RBM44: variants seen among roughly 807,000 people sequenced by gnomAD.
RBM44 encodes the protein RNA binding motif protein 44, also known as RNA-binding protein 44.
In RBM44, 66 loss-of-function variants were observed where a neutral mutation model predicts 105.1. The observed-to-expected ratio is 0.63, with a 90% CI of 0.52 to 0.77. The LOEUF (loss-of-function observed/expected upper bound fraction) is 0.77, where lower values mean the gene tolerates loss of function less well. Among genes scored for constraint, RBM44 ranks in the 30% least tolerant of loss-of-function variants. The pLI is 0.00. For synonymous variants in RBM44, 365 were observed against 417.6 expected (o/e 0.87, Z 1.54); for missense variants, 1,122 against 1,207.8 (o/e 0.93, Z 1.05).
chr2:237,840,003 A>G (rs1255261568), intron 15 of RBM44, among the ~76,000 whole-genome samples: 1 of 152,182 alleles, frequency 6.6e-6, no homozygotes, highest in Non-Finnish European at 1.5e-5. Flanking sequence ...AGCCTGGGCA[A>G]CATGGTGAAA....
At chr2:237,812,960 T>G (rs1331480216) in intron 1 of RBM44, among the ~76,000 whole-genome samples, 1 of 152,176 alleles carries the variant, frequency 6.6e-6, no homozygotes, top group Non-Finnish European at 1.5e-5. Context: ...TATGTATTAA[T>G]AAAAAGTCAT....
In RBM44 at chr2:237,823,478, CAT is replaced by C; in HGVS notation, c.2247_2248del (p.Ser750ThrfsTer5). 1 of 1,537,442 alleles carries C rather than the reference CAT, an allele frequency of 6.5e-7. No homozygotes were observed. The highest frequency in any genetic ancestry group is 8.8e-7 in the Non-Finnish European group (1 of 1,133,142). On this transcript the variant is annotated frameshift_variant, in exon 9 of 16. Coordinates refer to ENST00000316997, the MANE Select transcript of RBM44 (RefSeq NM_001080504.3). LOFTEE classifies it high-confidence loss of function. The part of the protein sequence containing the change: ...SSDNSHATQN[I>X]SPKKDDFKNG... ...CTGACAATAGTCATGCTACACAAAACATATCACCCAAGAAAGATGACTTTAAA... is the reference window on the plus strand; with the variant it reads ...CTGACAATAGTCATGCTACACAAAACATCACCCAAGAAAGATGACTTTAAA...
At position 237,842,752 on chromosome 2, in the gene RBM44, C is replaced by G. The variant is rs180745094; in HGVS notation, c.*936C>G. On this transcript the variant is annotated 3_prime_UTR_variant, in exon 16 of 16. Coordinates refer to ENST00000316997, the MANE Select transcript of RBM44 (RefSeq NM_001080504.3). ...TGGATTTACTTGACTAAAAATTAGC[C>G]CTTTAACGTTTATATTTGTTGTATT... 74 of 151,760 alleles carry G rather than the reference C, an allele frequency of 4.9e-4. No homozygotes were observed. Among genetic ancestry groups the G allele is most frequent in the African/African-American group, 1.7e-3 (72 of 41,416 alleles). 9.4% of individuals were successfully genotyped at this position (151,760 alleles called of 1,614,324 possible).
intron 1 of RBM44, among the ~76,000 whole-genome samples, chr2:237,806,389 C>T (rs1308370852): frequency 6.6e-6 from 1 of 151,976 alleles, no homozygotes; most frequent in Non-Finnish European, 1.5e-5. Flanking sequence ...TATTTCCATC[C>T]TACTTTCTTT....
At position 237,836,608 on chromosome 2, in the gene RBM44, C is replaced by T. The variant is rs1386254795; in HGVS notation, c.*22+2185C>T. Among the ~76,000 whole-genome samples the T allele has an allele frequency of 2.6e-5, 4 of 152,026 alleles. No individual in the cohort carries two copies. In the East Asian group the frequency reaches 5.8e-4, roughly 22 times the overall value. On this transcript the variant is annotated intron_variant, in intron 15 of 15. Coordinates refer to ENST00000316997, the MANE Select transcript of RBM44 (RefSeq NM_001080504.3). ...CATCCTGGCCAACATGGTGAAACCC[C>T]GTCTCTACTAAAAATACAAAAATTA...
At chr2:237,827,647 C>T in intron 12 of RBM44, 144 bp downstream of exon 12, 3 of 609,130 alleles carry the variant, frequency 4.9e-6, no homozygotes, top group Middle Eastern at 4.4e-4. Context: ...GACATAGGGA[C>T]AAATAGCTGC....
At position 237,841,040 on chromosome 2, in the gene RBM44, A is replaced by ACCATTCGGGCCAGCAATC. The variant is rs1296432051; in HGVS notation, c.*23-793_*23-776dup. On this transcript the variant is annotated intron_variant, in intron 15 of 15. Transcript: ENST00000316997. This position sits in a 1 kb window ranked among gnomAD's most constrained non-coding sequence, Gnocchi z 4.5. ...TTCTCAAAGAACTTAAAACAGAACTACCATTCGGGCCAGCAATCCCATTGT... is the reference window on the plus strand; with the variant it reads ...TTCTCAAAGAACTTAAAACAGAACTACCATTCGGGCCAGCAATCCCATTCGGGCCAGCAATCCCATTGT... Among the ~76,000 whole-genome samples the ACCATTCGGGCCAGCAATC allele has an allele frequency of 6.6e-6, 1 of 152,252 alleles. No individual in the cohort carries two copies. The highest frequency in any genetic ancestry group is 1.5e-5 in the Non-Finnish European group (1 of 68,044).
At chr2:237,826,923 A>T (rs543905846) in intron 10 of RBM44, among the ~76,000 whole-genome samples, 2 of 152,254 alleles carry the variant, frequency 1.3e-5, no homozygotes, top group East Asian at 3.9e-4. Flanking sequence ...GGAGTGTCCT[A>T]GAACCAGTCC....
intron 10 of RBM44, among the ~76,000 whole-genome samples, chr2:237,825,125 A>C (rs912298279): frequency 1.3e-5 from 2 of 152,112 alleles, no homozygotes; most frequent in African/African-American, 4.8e-5. Context: ...GAATATTTTA[A>C]TGACCATTTT....
intron 15 of RBM44, among the ~76,000 whole-genome samples, chr2:237,840,063 C>T (rs1293947553): frequency 6.6e-6 from 1 of 151,876 alleles, no homozygotes; most frequent in Non-Finnish European, 1.5e-5. Context: ...ATAGCACATA[C>T]CTATAGTCCT....
At chr2:237,829,157 T>A in intron 12 of RBM44, 60 bp from the exon 13 acceptor site, 1 of 1,336,930 alleles carries the variant, frequency 7.5e-7, no homozygotes, top group Non-Finnish European at 1.0e-6. Flanking sequence ...GTTGCAAAAT[T>A]AAGTTTGATG....
chr2:237,820,415 G>T, intron 5 of RBM44, 64 bp downstream of exon 5: 1 of 1,004,594 alleles, frequency 1.0e-6, no homozygotes. Flanking sequence ...GTTTATTCTA[G>T]AGAGTTTCTC....
intron 15 of RBM44, among the ~76,000 whole-genome samples, chr2:237,839,173 A>G (rs139839225): frequency 2.0e-5 from 3 of 152,296 alleles, no homozygotes; most frequent in Admixed American, 2.0e-4. Context: ...CTTTTTCTAC[A>G]TATGTGCCAG....
rs975640191 is a variant in RBM44 at position 237,816,984 on chromosome 2, T to C, written c.74-9T>C. 6.9e-7 allele frequency: 1 copy of C among 1,451,094 alleles called. No homozygotes were observed. The highest frequency in any genetic ancestry group is 9.2e-7 in the Non-Finnish European group (1 of 1,081,144). 89.9% of individuals were successfully genotyped at this position (1,451,094 alleles called of 1,614,324 possible). ...TTGCTGTTAATGTTTTTATCCTTTT[T>C]TTAATCAGATAAACCTTCAAATCCA... On this transcript the variant is annotated splice_polypyrimidine_tract_variant and intron_variant, in intron 2 of 15. Coordinates refer to ENST00000316997, the MANE Select transcript of RBM44 (RefSeq NM_001080504.3).
intron 1 of RBM44, among the ~76,000 whole-genome samples, chr2:237,807,339 G>A (rs766349867): frequency 3.9e-5 from 6 of 152,086 alleles, no homozygotes; most frequent in African/African-American, 4.8e-5. Context: ...TAGTAGAGAC[G>A]GAGTTTCACC....
intron 1 of RBM44, chr2:237,799,473 T>G (rs1406064168): frequency 6.6e-6 from 1 of 152,350 alleles, no homozygotes. Flanking sequence ...TTTGCATTTT[T>G]TTAGTAGAGA....
intron 1 of RBM44, among the ~76,000 whole-genome samples, chr2:237,800,982 G>A (rs556213972): frequency 6.6e-6 from 1 of 152,290 alleles, no homozygotes; most frequent in East Asian, 1.9e-4. Flanking sequence ...GCCTCCCAAA[G>A]TGTTGGGATT....
chr2:237,821,301 A>G (rs1210482400), intron 6 of RBM44, 45 bp from the exon 7 acceptor site: 6 of 1,556,322 alleles, frequency 3.9e-6, no homozygotes, highest in Non-Finnish European at 5.2e-6. Flanking sequence ...TCATTTAGAC[A>G]AAACATTTTA....
rs769095683 is a variant in RBM44, at chr2:237,827,323, A to G, written c.2523A>G (p.Val841=). 49 of 1,565,254 alleles carry G rather than the reference A, an allele frequency of 3.1e-5. No individual in the cohort carries two copies. Among genetic ancestry groups the G allele is most frequent in the Middle Eastern group, 3.3e-4 (2 of 6,018 alleles). ...LIHVGGLCPS[V]SEADLRSHFQ... is the part of the protein sequence containing the mutation. ...ATGTTGGTGGCCTCTGCCCTTCAGT[A>G]TCTGAGGTATACCAGGATTATTTTT... The change falls in exon 11 of 16, where the codon GTA becomes GTG. Residue 841 remains valine (V), a synonymous_variant. Coordinates refer to ENST00000316997, the MANE Select transcript of RBM44 (RefSeq NM_001080504.3).
Sources: gnomAD v4.1 joint callset for allele counts (sites outside exome capture counted in the v4.1 genomes callset) on GRCh38, gnomAD v4.1.1 for gene constraint, Gnocchi (gnomAD v3.1) non-coding constraint, MANE v1.5 for transcripts, NCBI Gene and HGNC (gene_info 2026-07-23, HGNC 2026-07-21) for gene names.